TMEM163: variants seen among roughly 807,000 people sequenced by gnomAD.
TMEM163 encodes the protein transmembrane protein 163.
TMEM163 carries 17 observed loss-of-function variants against 29.3 expected under a neutral mutation model. The ratio of observed to expected loss-of-function variants is 0.58; its 90% confidence interval spans 0.40 to 0.87. The LOEUF (loss-of-function observed/expected upper bound fraction) is 0.87, where lower values mean the gene tolerates loss of function less well. Ranked by LOEUF, TMEM163 falls within the 40% of genes least tolerant of loss-of-function variation. TMEM163 has a pLI of 0.00. For missense variants in TMEM163, 303 were observed against 381.5 expected, an observed-to-expected ratio of 0.79 and a Z score of 1.71; for synonymous variants, 157 against 160.6, an observed-to-expected ratio of 0.98 and a Z score of 0.17.
chr2:134,642,045 A>C (rs145379668), intron 2 of TMEM163, among the ~76,000 whole-genome samples: 1 of 152,222 alleles, frequency 6.6e-6, no homozygotes. Context: ...TACTAAATGT[A>C]TATTTACCTA....
At chr2:134,627,087 A>G (rs999861766) in intron 2 of TMEM163, among the ~76,000 whole-genome samples, 36 of 152,168 alleles carry the variant, frequency 2.4e-4, no homozygotes, top group Non-Finnish European at 8.8e-5. Flanking sequence ...TTAATGTTAA[A>G]TTTGTATTTC....
intron 4 of TMEM163, among the ~76,000 whole-genome samples, chr2:134,522,278 G>A (rs935051495): frequency 6.6e-6 from 1 of 152,206 alleles, no homozygotes; most frequent in Admixed American, 6.5e-5. Context: ...GGAGAGACTG[G>A]CACTGCCCAC....
At chr2:134,545,768 A>T (rs1441852604) in intron 4 of TMEM163, among the ~76,000 whole-genome samples, 1 of 152,200 alleles carries the variant, frequency 6.6e-6, no homozygotes, top group Non-Finnish European at 1.5e-5. Flanking sequence ...CCAATAAATG[A>T]AACGCCTATG....
chr2:134,494,743 AAAGAAACT>A (rs1328981057), intron 5 of TMEM163, among the ~76,000 whole-genome samples: 1 of 152,216 alleles, frequency 6.6e-6, no homozygotes, highest in Non-Finnish European at 1.5e-5. Context: ...TCCACATTAC[AAAGAAACT>A]GAGGCAGAGA....
intron 2 of TMEM163, among the ~76,000 whole-genome samples, chr2:134,584,636 TA>T (rs34838986): frequency 0.083 from 10,470 of 126,908 alleles, 663 homozygotes; most frequent in African/African-American, 0.2. Flanking sequence ...AAATTTCTAG[TA>T]AAAAAAAAAA....
At chr2:134,475,783 C>A (rs1686899399) in intron 5 of TMEM163, among the ~76,000 whole-genome samples, 1 of 151,988 alleles carries the variant, frequency 6.6e-6, no homozygotes, top group Non-Finnish European at 1.5e-5. Flanking sequence ...CTGTAAGTGA[C>A]CACTACATAC....
Position 134,694,316 on chromosome 2 carries a change from G to A in TMEM163, c.322+18884C>T, listed in dbSNP as rs140947576. ...CTAAGTTATTAGAATCCCAGTACTAGAAGTATTCAAACAAAAGCTGAAGAA... is the reference window on the plus strand; with the variant it reads ...CTAAGTTATTAGAATCCCAGTACTAAAAGTATTCAAACAAAAGCTGAAGAA... On this transcript the variant is annotated intron_variant, in intron 2 of 7. Transcript: ENST00000281924. Among the ~76,000 whole-genome samples, 110 of 152,302 alleles carry A rather than the reference G, an allele frequency of 7.2e-4. 2 individuals are homozygous for A. In the East Asian group the frequency reaches 0.015, roughly 21 times the overall value.
intron 2 of TMEM163, among the ~76,000 whole-genome samples, chr2:134,570,923 C>T (rs538355676): frequency 6.6e-6 from 1 of 152,280 alleles, no homozygotes; most frequent in South Asian, 2.1e-4. Flanking sequence ...TAAATCTGGC[C>T]AGTTACATTC....
At chr2:134,463,982 T>A (rs1370986399) in intron 6 of TMEM163, among the ~76,000 whole-genome samples, 1 of 152,206 alleles carries the variant, frequency 6.6e-6, no homozygotes, top group African/African-American at 2.4e-5. Context: ...TGAGGGGCCT[T>A]AGCACTGCTG....
chr2:134,579,177 A>G (rs1681633438), intron 2 of TMEM163, among the ~76,000 whole-genome samples: 2 of 152,176 alleles, frequency 1.3e-5, no homozygotes. Flanking sequence ...CTAAGAAGAC[A>G]CTTTTATATC....
At chr2:134,683,124 AT>A (rs1250521278) in intron 2 of TMEM163, among the ~76,000 whole-genome samples, 1 of 152,230 alleles carries the variant, frequency 6.6e-6, no homozygotes, top group African/African-American at 2.4e-5. Context: ...GAAAGATGGG[AT>A]TTTTAGGAGA....
intron 2 of TMEM163, among the ~76,000 whole-genome samples, chr2:134,622,188 G>A (rs894041089): frequency 5.9e-5 from 9 of 152,252 alleles, no homozygotes; most frequent in South Asian, 2.1e-4. Context: ...GTGGACATCC[G>A]GGAGATTTTG....
At chr2:134,500,720 A>G (rs1247024995) in intron 5 of TMEM163, among the ~76,000 whole-genome samples, 1 of 152,230 alleles carries the variant, frequency 6.6e-6, no homozygotes, top group East Asian at 1.9e-4. Flanking sequence ...GAGATAAGCC[A>G]GACACACAAA....
intron 2 of TMEM163, among the ~76,000 whole-genome samples, chr2:134,606,030 G>A (rs76811288): frequency 1.2e-4 from 19 of 152,200 alleles, no homozygotes; most frequent in East Asian, 1.2e-3. Flanking sequence ...GAGTATACGC[G>A]GGGGGCAGTG....
intron 5 of TMEM163, among the ~76,000 whole-genome samples, chr2:134,491,448 G>T (rs1574173237): frequency 1.3e-5 from 2 of 152,120 alleles, no homozygotes; most frequent in African/African-American, 4.8e-5. Flanking sequence ...TGAGTCTCGG[G>T]GCCGTATTTC....
At chr2:134,585,043 T>C (rs929649471) in intron 2 of TMEM163, among the ~76,000 whole-genome samples, 1 of 152,262 alleles carries the variant, frequency 6.6e-6, no homozygotes, top group Non-Finnish European at 1.5e-5. Flanking sequence ...CCCTAAACTG[T>C]GAGCTCTGCC....
intron 2 of TMEM163, among the ~76,000 whole-genome samples, chr2:134,638,548 G>A (rs561585775): frequency 6.6e-5 from 10 of 152,264 alleles, no homozygotes; most frequent in South Asian, 4.1e-4. Flanking sequence ...TTTAGGAGGC[G>A]CTAGCAATGT....
At chr2:134,626,871 T>C (rs1319818621) in intron 2 of TMEM163, among the ~76,000 whole-genome samples, 1 of 152,242 alleles carries the variant, frequency 6.6e-6, no homozygotes, top group African/African-American at 2.4e-5. Context: ...TGTGTAAATA[T>C]TTAAATATTC....
At chr2:134,572,188 G>A (rs993888972) in intron 2 of TMEM163, among the ~76,000 whole-genome samples, 1 of 152,140 alleles carries the variant, frequency 6.6e-6, no homozygotes, top group Non-Finnish European at 1.5e-5. Context: ...AGCAAAGCTA[G>A]AACCAGCACC....
Sources: allele counts gnomAD v4.1 joint callset (sites outside exome capture counted in the v4.1 genomes callset), GRCh38; gene constraint gnomAD v4.1.1; transcripts MANE v1.5; gene names NCBI Gene and HGNC (gene_info 2026-07-23, HGNC 2026-07-21).